SLC29A3: variants seen among roughly 807,000 people sequenced by gnomAD.
The protein encoded by SLC29A3 is equilibrative nucleoside transporter 3.
A neutral mutation model predicts 25.4 loss-of-function variants in SLC29A3; 18 were observed. The ratio of observed to expected loss-of-function variants is 0.71; its 90% CI spans 0.49 to 1.05. SLC29A3 has a LOEUF of 1.05. Ranked by LOEUF, SLC29A3 falls within the 50% of genes least tolerant of loss-of-function variation. SLC29A3 has a pLI of 0.00. For synonymous variants in SLC29A3, 258 were observed against 267.1 expected (o/e 0.97, Z 0.33); for missense variants, 586 against 609.0 (o/e 0.96, Z 0.40).
In SLC29A3 at chr10:71,363,011, C is replaced by T. The variant is rs376297355; in HGVS notation, c.*403C>T. On this transcript the variant is annotated 3_prime_UTR_variant, in exon 6 of 6. Coordinates refer to ENST00000373189, the MANE Select transcript of SLC29A3 (RefSeq NM_018344.6). ...CAGCTGCGCTCATTCCAGCTGACAGCGAGATGCAAGCAAATGCTCAGCTCT... is the reference window on the plus strand; with the variant it reads ...CAGCTGCGCTCATTCCAGCTGACAGTGAGATGCAAGCAAATGCTCAGCTCT... The T allele has an allele frequency of 1.9e-5, 9 of 462,928 alleles. No individual in the cohort carries two copies. The highest frequency in any genetic ancestry group is 4.0e-5 in the African/African-American group (2 of 50,424). 28.7% of individuals were successfully genotyped at this position (462,928 alleles called of 1,614,324 possible).
At chr10:71,337,524 G>A (rs1204442574) in intron 2 of SLC29A3, among the ~76,000 whole-genome samples, 2 of 152,158 alleles carry the variant, frequency 1.3e-5, no homozygotes, top group Non-Finnish European at 2.9e-5. Flanking sequence ...GCTTTTCCTC[G>A]CCCGCCCGGT....
At chr10:71,340,501 G>T (rs1846374377) in intron 2 of SLC29A3, among the ~76,000 whole-genome samples, 1 of 152,190 alleles carries the variant, frequency 6.6e-6, no homozygotes, top group Admixed American at 6.5e-5. Flanking sequence ...AAGTGGAGTT[G>T]GTTGTAGGGG....
intron 2 of SLC29A3, among the ~76,000 whole-genome samples, chr10:71,338,253 T>G (rs1051426251): frequency 1.3e-5 from 2 of 152,202 alleles, no homozygotes; most frequent in African/African-American, 4.8e-5. Flanking sequence ...AACATGGTCT[T>G]TGCTTAGCTG....
rs776728111 is a variant in SLC29A3 at position 71,356,277 on chromosome 10, C to T, written c.773+34C>T. The T allele has an allele frequency of 4.5e-5, 73 of 1,608,960 alleles. 2 individuals are homozygous for T. The South Asian group carries it at 7.7e-4, about 17-fold the overall frequency. ...GCCACTCACTGTCCATGCCTCCTTCCTGTGTATCCAGTTATAGCCATGCTT... is the reference window on the plus strand; with the variant it reads ...GCCACTCACTGTCCATGCCTCCTTCTTGTGTATCCAGTTATAGCCATGCTT... On this transcript the variant is annotated intron_variant, in intron 5 of 5. Transcript: ENST00000373189.
chr10:71,329,320 C>T (rs914112995), intron 2 of SLC29A3, among the ~76,000 whole-genome samples: 3 of 152,042 alleles, frequency 2.0e-5, no homozygotes, highest in Non-Finnish European at 4.4e-5. Context: ...GAAAATACCC[C>T]ACCTGCGTGT....
At chr10:71,369,090 A>G (rs1444469785) in intron 3 of SLC29A3, among the ~76,000 whole-genome samples, 1 of 152,242 alleles carries the variant, frequency 6.6e-6, no homozygotes, top group African/African-American at 2.4e-5. Flanking sequence ...AAGAGTCAAC[A>G]GAGCTCCCTC....
chr10:71,360,657 C>T (rs1847032238), intron 5 of SLC29A3, among the ~76,000 whole-genome samples: 2 of 152,224 alleles, frequency 1.3e-5, no homozygotes, highest in South Asian at 4.1e-4. Flanking sequence ...AGGTATAAAC[C>T]TTTTAATCCA....
chr10:71,333,038 G>A (rs540033098), intron 2 of SLC29A3, among the ~76,000 whole-genome samples: 1 of 152,332 alleles, frequency 6.6e-6, no homozygotes, highest in Non-Finnish European at 1.5e-5. Flanking sequence ...AAATCCAGAG[G>A]CGATTTCCTG....
At chr10:71,327,131 T>C (rs942656237) in intron 2 of SLC29A3, among the ~76,000 whole-genome samples, 1 of 152,178 alleles carries the variant, frequency 6.6e-6, no homozygotes, top group South Asian at 2.1e-4. Flanking sequence ...TATTCTTTCC[T>C]GTACTTTCCT....
chr10:71,366,649 C>T (rs1475280094), downstream of SLC29A3, among the ~76,000 whole-genome samples: 4 of 63,834 alleles, frequency 6.3e-5, no homozygotes, highest in Non-Finnish European at 1.6e-4. Flanking sequence ...GCCTTCCACT[C>T]AGTGCTCCAG....
Position 71,362,732 on chromosome 10 carries a change from C to A in SLC29A3, c.*124C>A. On this transcript the variant is annotated 3_prime_UTR_variant, in exon 6 of 6. Coordinates refer to ENST00000373189, the MANE Select transcript of SLC29A3 (RefSeq NM_018344.6). ...TTGGGGACAGAGAGCAGAGCACACT[C>A]GGGCCTCATCCCTCCCAAGATGCCA... 7.7e-7 allele frequency: 1 copy of A among 1,304,096 alleles called. No homozygotes were observed. Among genetic ancestry groups the A allele is most frequent in the Non-Finnish European group, 1.1e-6 (1 of 924,504 alleles). The allele number at this position is 1,304,096 out of a possible 1,614,324, so 80.8% of individuals were successfully genotyped here. A position where few individuals can be genotyped will look rare whatever the true frequency, so the allele number is the denominator to read the frequency against.
chr10:71,356,354 A>T, intron 5 of SLC29A3, 111 bp downstream of exon 5: 1 of 1,363,392 alleles, frequency 7.3e-7, no homozygotes, highest in Non-Finnish European at 1.0e-6. Context: ...GCTATGGCTC[A>T]AAGCAGTTGT....
rs934170273 is a variant in SLC29A3 at position 71,328,759 on chromosome 10, A to G, written c.300+5705A>G. Among the ~76,000 whole-genome samples the G allele has an allele frequency of 2.0e-5, 3 of 152,330 alleles. No individual in the cohort carries two copies. The East Asian group carries it at 5.8e-4, about 29-fold the overall frequency. ...AGTGGCTACCAGTAAAGGAGTTTTG[A>G]TCTTTCAGGTGTGTTGGCATAGACA... is the stretch of plus-strand genomic sequence containing the variant. On this transcript the variant is annotated intron_variant, in intron 2 of 5. Transcript: ENST00000373189.
At chr10:71,356,761 G>A (rs2131845198) in intron 5 of SLC29A3, among the ~76,000 whole-genome samples, 1 of 152,306 alleles carries the variant, frequency 6.6e-6, no homozygotes, top group East Asian at 1.9e-4. Context: ...AGGAGTTGGA[G>A]GCTGCAGTGA....
At chr10:71,358,933 T>C (rs2131847696) in intron 5 of SLC29A3, among the ~76,000 whole-genome samples, 1 of 152,262 alleles carries the variant, frequency 6.6e-6, no homozygotes, top group South Asian at 2.1e-4. Context: ...TTTTTTGTGA[T>C]GGAGTCTCAC....
At position 71,362,847 on chromosome 10, in the gene SLC29A3, C is replaced by T. The variant is rs1424245156; in HGVS notation, c.*239C>T. The stretch of plus-strand genomic sequence containing the variant: ...TGAGACAGTTGAAGAAGAAATAGCA[C>T]AAATCAGGGGTACTCCCTTCACAGC... On this transcript the variant is annotated 3_prime_UTR_variant, in exon 6 of 6. Coordinates refer to ENST00000373189, the MANE Select transcript of SLC29A3 (RefSeq NM_018344.6). 1 of 682,808 alleles carries T rather than the reference C, an allele frequency of 1.5e-6. No individual in the cohort carries two copies. Among genetic ancestry groups the T allele is most frequent in the Non-Finnish European group, 2.7e-6 (1 of 375,004 alleles). The allele number at this position is 682,808 out of a possible 1,614,324, so 42.3% of individuals were successfully genotyped here.
intron 5 of SLC29A3, among the ~76,000 whole-genome samples, chr10:71,357,923 A>G (rs1263786321): frequency 6.6e-6 from 1 of 152,284 alleles, no homozygotes; most frequent in East Asian, 1.9e-4. Context: ...TGCGTTAGCC[A>G]GCAGAGCTGG....
chr10:71,356,042 C>T, intron 4 of SLC29A3, 39 bp from the exon 5 acceptor site: 1 of 1,611,306 alleles, frequency 6.2e-7, no homozygotes, highest in South Asian at 1.1e-5. Flanking sequence ...CCTCCTCGCC[C>T]ACCCCTCACC....
At chr10:71,351,816 C>T in intron 4 of SLC29A3, 28 bp downstream of exon 4, 1 of 1,577,444 alleles carries the variant, frequency 6.3e-7, no homozygotes, top group Non-Finnish European at 8.6e-7. Context: ...GGCAGCTGAC[C>T]AGGTTCATCC....
Sources: gnomAD v4.1 joint callset for allele counts (sites outside exome capture counted in the v4.1 genomes callset) on GRCh38, gnomAD v4.1.1 for gene constraint, MANE v1.5 for transcripts, NCBI Gene and HGNC (gene_info 2026-07-23, HGNC 2026-07-21) for gene names.